MEIS1: variants seen among roughly 807,000 people sequenced by gnomAD.
The protein encoded by MEIS1 is Meis homeobox 1, also known as homeobox protein Meis1.
In MEIS1, 5 loss-of-function variants were observed where a neutral mutation model predicts 50.8. The observed-to-expected ratio is 0.10, with a 90% CI of 0.05 to 0.21. The LOEUF (loss-of-function observed/expected upper bound fraction) is 0.21. MEIS1 is among the 10% of genes least tolerant of loss of function. MEIS1 has a pLI of 1.00. For synonymous variants in MEIS1, 176 were observed against 179.3 expected, an observed-to-expected ratio of 0.98 and a Z score of 0.15; for missense variants, 318 against 517.3, an observed-to-expected ratio of 0.61 and a Z score of 3.74.
Position 66,571,247 on chromosome 2 carries a change from G to T in MEIS1, c.*39G>T. ...TTCTTTCTTTTGAATTTCTTACAGGGCTGCAAAGTATGCCAGGGGAGTATG... is the reference window on the plus strand; with the variant it reads ...TTCTTTCTTTTGAATTTCTTACAGGTCTGCAAAGTATGCCAGGGGAGTATG... On this transcript the variant is annotated splice_region_variant and 3_prime_UTR_variant, in exon 13 of 13. Transcript: ENST00000272369. The T allele has an allele frequency of 6.3e-7, 1 of 1,580,486 alleles. No homozygotes were observed. The highest frequency in any genetic ancestry group is 2.3e-5 in the East Asian group (1 of 43,328).
rs1674741099 is a variant in MEIS1 at position 66,544,511 on chromosome 2, GA to G, written c.889-3429del. Reference sequence around the variant, plus strand: ...CTAAGGCCAAGAACTATGAGAAAAAGAAATACATTCAGTTGACCTACCATAG... The same window carrying G: ...CTAAGGCCAAGAACTATGAGAAAAAGAATACATTCAGTTGACCTACCATAG... On this transcript the variant is annotated intron_variant, in intron 8 of 12. Transcript: ENST00000272369. 2.0e-5 allele frequency among the ~76,000 whole-genome samples: 3 copies of G among 152,088 alleles called. No individual in the cohort carries two copies. The South Asian group carries it at 6.2e-4, about 32-fold the overall frequency.
intron 11 of MEIS1, 84 bp downstream of exon 11, chr2:66,568,840 C>T: frequency 1.5e-6 from 2 of 1,301,922 alleles, no homozygotes; most frequent in African/African-American, 1.5e-5. Context: ...TCCGCCTCAT[C>T]CTTTTCTGTT....
rs5831821 is a variant in MEIS1, at chr2:66,566,810, C to CAAA, written c.966-631_966-629dup. Among the ~76,000 whole-genome samples the CAAA allele has an allele frequency of 1.5e-3, 213 of 138,628 alleles. 2 individuals carry two copies. Among genetic ancestry groups the CAAA allele is most frequent in the East Asian group, 9.6e-3 (46 of 4,776 alleles). The allele number at this position is 138,628 out of a possible 152,430, so 90.9% of individuals were successfully genotyped here. On this transcript the variant is annotated intron_variant, in intron 9 of 12. Coordinates refer to ENST00000272369, the MANE Select transcript of MEIS1 (RefSeq NM_002398.3). ...TTGACCTCAGACTTTACATAAAGAG[C>CAAA]AAAAAAAAAAAAAACAACAACAACA... is the stretch of plus-strand genomic sequence containing the variant.
intron 9 of MEIS1, among the ~76,000 whole-genome samples, chr2:66,555,598 G>A (rs1226636611): frequency 1.3e-5 from 2 of 152,142 alleles, no homozygotes; most frequent in African/African-American, 4.8e-5. Flanking sequence ...TCTTAAGTGT[G>A]TTTACATATA....
intron 7 of MEIS1, among the ~76,000 whole-genome samples, chr2:66,489,755 G>A (rs1342354845): frequency 6.6e-6 from 1 of 152,146 alleles, no homozygotes; most frequent in Admixed American, 6.5e-5. Flanking sequence ...AGGGAAGCCT[G>A]GATAAGAGTT....
chr2:66,554,329 A>G lies in MEIS1; in HGVS notation c.965+6310A>G, dbSNP rs188758197. Among the ~76,000 whole-genome samples, 5 of 152,320 alleles carry G rather than the reference A, an allele frequency of 3.3e-5. No individual in the cohort carries two copies. The East Asian group carries it at 9.6e-4, about 29-fold the overall frequency. Reference sequence around the variant, plus strand: ...TCTTCTTGTTTTCAGTGTGTCTGTAAGTATCTGGTCAGAGAAATGCAAACA... The same window carrying G: ...TCTTCTTGTTTTCAGTGTGTCTGTAGGTATCTGGTCAGAGAAATGCAAACA... On this transcript the variant is annotated intron_variant, in intron 9 of 12. Transcript: ENST00000272369.
At chr2:66,476,581 C>A (rs192934653) in intron 7 of MEIS1, among the ~76,000 whole-genome samples, 4 of 152,258 alleles carry the variant, frequency 2.6e-5, no homozygotes, top group Admixed American at 6.5e-5. Flanking sequence ...CCCTAGTGAG[C>A]AGGTTCTGAG....
At chr2:66,504,201 T>C (rs967115322) in intron 7 of MEIS1, among the ~76,000 whole-genome samples, 1 of 151,998 alleles carries the variant, frequency 6.6e-6, no homozygotes, top group African/African-American at 2.4e-5. Context: ...AGAAAAAGGC[T>C]GTGAGCTCAT....
intron 7 of MEIS1, among the ~76,000 whole-genome samples, chr2:66,500,100 G>A (rs1233675328): frequency 1.3e-5 from 2 of 152,180 alleles, no homozygotes; most frequent in African/African-American, 4.8e-5. Context: ...GAGCAAACTT[G>A]AGAACTGCAT....
chr2:66,534,196 AC>A (rs1674463704), intron 8 of MEIS1, among the ~76,000 whole-genome samples: 1 of 152,216 alleles, frequency 6.6e-6, no homozygotes, highest in African/African-American at 2.4e-5. Context: ...TAAGGACTTA[AC>A]TTTAGTTATC....
chr2:66,562,778 A>G (rs1347925060), intron 9 of MEIS1, among the ~76,000 whole-genome samples: 2 of 152,154 alleles, frequency 1.3e-5, no homozygotes, highest in Non-Finnish European at 2.9e-5. Context: ...CTAACTCATG[A>G]TTCTATGAAA....
At position 66,440,876 on chromosome 2, in the gene MEIS1, T is replaced by C. The variant is rs558701009; in HGVS notation, c.432+264T>C. ...TGACAGCCGGGCTGCGCAGCTCTAATCAGCGCGGGGATTTATCTCCCGGCC... is the reference window on the plus strand; with the variant it reads ...TGACAGCCGGGCTGCGCAGCTCTAACCAGCGCGGGGATTTATCTCCCGGCC... On this transcript the variant is annotated intron_variant, in intron 4 of 12. Coordinates refer to ENST00000272369, the MANE Select transcript of MEIS1 (RefSeq NM_002398.3). 7.6e-6 allele frequency: 4 copies of C among 529,402 alleles called. No homozygotes were observed. The Admixed American group carries it at 1.4e-4, about 18-fold the overall frequency. The allele number at this position is 529,402 out of a possible 1,614,324, so 32.8% of individuals were successfully genotyped here.
chr2:66,496,873 A>G (rs1424299425), intron 7 of MEIS1, among the ~76,000 whole-genome samples: 1 of 152,132 alleles, frequency 6.6e-6, no homozygotes, highest in African/African-American at 2.4e-5. Flanking sequence ...TGGAACTGGC[A>G]TCCTCCCATT....
chr2:66,511,297 A>G (rs1442081556), intron 7 of MEIS1, among the ~76,000 whole-genome samples: 1 of 152,166 alleles, frequency 6.6e-6, no homozygotes, highest in Non-Finnish European at 1.5e-5. Flanking sequence ...TTTAAATTTC[A>G]TTATGTCACA....
intron 7 of MEIS1, among the ~76,000 whole-genome samples, chr2:66,474,375 T>C (rs1185059185): frequency 6.6e-6 from 1 of 152,004 alleles, no homozygotes; most frequent in Non-Finnish European, 1.5e-5. Flanking sequence ...CCTGGGAGGA[T>C]GTTTTTATGT....
intron 7 of MEIS1, among the ~76,000 whole-genome samples, chr2:66,491,373 A>G (rs1284750770): frequency 1.3e-5 from 2 of 152,250 alleles, no homozygotes; most frequent in African/African-American, 4.8e-5. Context: ...GTTAAAGGAA[A>G]TCCCATTCTT....
chr2:66,540,792 C>T (rs1674632089), intron 8 of MEIS1, among the ~76,000 whole-genome samples: 1 of 152,054 alleles, frequency 6.6e-6, no homozygotes, highest in Non-Finnish European at 1.5e-5. Flanking sequence ...AACGTATATA[C>T]TTTAAAATAT....
At chr2:66,438,571 C>G (rs1198913778) in intron 2 of MEIS1, among the ~76,000 whole-genome samples, 1 of 152,164 alleles carries the variant, frequency 6.6e-6, no homozygotes, top group Non-Finnish European at 1.5e-5. Context: ...TGTTTTAGCA[C>G]TTTGTGCTCA....
Position 66,571,683 on chromosome 2 carries a change from A to C in MEIS1, c.*475A>C. The C allele has an allele frequency of 1.2e-6, 1 of 811,458 alleles. No homozygotes were observed. The highest frequency in any genetic ancestry group is 1.9e-6 in the Non-Finnish European group (1 of 521,252). The allele number at this position is 811,458 out of a possible 1,614,324, so 50.3% of individuals were successfully genotyped here. The stretch of plus-strand genomic sequence containing the variant: ...TTTAAAAAGCAGGAAATACCAACTG[A>C]AGTCAATTTGGGGGACATGCTAAAT... On this transcript the variant is annotated 3_prime_UTR_variant, in exon 13 of 13. Coordinates refer to ENST00000272369, the MANE Select transcript of MEIS1 (RefSeq NM_002398.3).
Sources: allele counts gnomAD v4.1 joint callset (sites outside exome capture counted in the v4.1 genomes callset), GRCh38; gene constraint gnomAD v4.1.1; transcripts MANE v1.5; gene names NCBI Gene and HGNC (gene_info 2026-07-23, HGNC 2026-07-21).